Variants in CARS2 observed in about 807,000 individuals in gnomAD.
The protein encoded by CARS2 is probable cysteine--tRNA ligase, mitochondrial.
In CARS2, 52 loss-of-function variants were observed where a neutral mutation model predicts 68.8. That is an observed-to-expected ratio of 0.76 (90% CI 0.61 to 0.95). The LOEUF (loss-of-function observed/expected upper bound fraction) is 0.95. Among genes scored for constraint, CARS2 ranks in the 40% least tolerant of loss-of-function variants. CARS2 has a pLI of 0.00. For missense variants in CARS2, 780 were observed against 754.2 expected (o/e 1.03, Z -0.40); for synonymous variants, 314 against 303.6 (o/e 1.03, Z -0.36).
At chr13:110,678,601 T>C (rs1485823631) in intron 6 of CARS2, among the ~76,000 whole-genome samples, 2 of 152,148 alleles carry the variant, frequency 1.3e-5, no homozygotes, top group Non-Finnish European at 2.9e-5. Context: ...TCCTACATAG[T>C]GCATGGCAAA....
At chr13:110,710,338 C>T (rs1206033813), upstream of CARS2, among the ~76,000 whole-genome samples, 5 of 152,070 alleles carry the variant, frequency 3.3e-5, no homozygotes, top group South Asian at 2.1e-4. Context: ...GCTGAGATCA[C>T]GCCACTGCAC....
chr13:110,662,321 G>A (rs544224), intron 9 of CARS2, among the ~76,000 whole-genome samples: 1 of 146,484 alleles, frequency 6.8e-6, no homozygotes, highest in African/African-American at 2.6e-5. Flanking sequence ...GGCCGGCTTC[G>A]GACCCCCTTC....
At chr13:110,669,542 T>C (rs1295426051) in intron 7 of CARS2, among the ~76,000 whole-genome samples, 1 of 152,232 alleles carries the variant, frequency 6.6e-6, no homozygotes, top group African/African-American at 2.4e-5. Flanking sequence ...CTATCAAGTA[T>C]ACTAAAATCC....
At chr13:110,650,064 G>C (rs1374137069) in intron 10 of CARS2, among the ~76,000 whole-genome samples, 2 of 150,510 alleles carry the variant, frequency 1.3e-5, no homozygotes, top group Non-Finnish European at 3.0e-5. Flanking sequence ...AGCCTCCTGA[G>C]TAGCTGAGAT....
chr13:110,691,609 T>A (rs561222002), intron 3 of CARS2, among the ~76,000 whole-genome samples: 1 of 152,200 alleles, frequency 6.6e-6, no homozygotes, highest in African/African-American at 2.4e-5. Flanking sequence ...CTGGCTTATG[T>A]TTTTCTCCAG....
intron 9 of CARS2, among the ~76,000 whole-genome samples, chr13:110,656,435 G>A (rs2062368773): frequency 6.6e-6 from 1 of 152,202 alleles, no homozygotes; most frequent in East Asian, 1.9e-4. Context: ...AGACCACAGA[G>A]CTTTAGTGGG....
intron 13 of CARS2, chr13:110,643,206 G>A (rs765328291): frequency 5.6e-4 from 99 of 178,292 alleles, no homozygotes; most frequent in Admixed American, 1.1e-3. Flanking sequence ...TGGGCCTTGC[G>A]GCCAGAGGAA....
intron 8 of CARS2, 56 bp downstream of exon 8, chr13:110,667,284 A>G (rs528209615): frequency 6.6e-7 from 1 of 1,510,158 alleles, no homozygotes; most frequent in African/African-American, 1.4e-5. Context: ...TTCCGCCGAC[A>G]AAGACAGAAC....
chr13:110,692,003 A>AATATAT (rs71127965), intron 3 of CARS2, among the ~76,000 whole-genome samples: 22 of 91,572 alleles, frequency 2.4e-4, no homozygotes, highest in African/African-American at 3.7e-4. Flanking sequence ...AAAAAAAAAA[A>AATATAT]ATATATATAT....
chr13:110,642,229 G>C (rs2139666308), intron 14 of CARS2, 86 bp downstream of exon 14: 1 of 1,036,672 alleles, frequency 9.6e-7, no homozygotes, highest in South Asian at 1.4e-5. Context: ...ATGGTCACGG[G>C]GGATGTCTGG....
intron 8 of CARS2, chr13:110,664,054 T>C (rs1429148966): frequency 1.0e-6 from 1 of 985,358 alleles, no homozygotes; most frequent in Non-Finnish European, 1.2e-6. Flanking sequence ...CCCCTATGTA[T>C]GTGAAAGACA....
rs1318874753 is a variant in CARS2 at position 110,688,038 on chromosome 13, G to T, written c.394-20C>A. On this transcript the variant is annotated intron_variant, in intron 3 of 14. Coordinates refer to ENST00000257347, the MANE Select transcript of CARS2 (RefSeq NM_024537.4). ...ATTCATCTGCAGAAGGATTAGATGT[G>T]CACGTTAATGAGTCTGGGGCATTCG... 1 of 1,561,538 alleles carries T rather than the reference G, an allele frequency of 6.4e-7. No homozygotes were observed. The highest frequency in any genetic ancestry group is 2.2e-5 in the East Asian group (1 of 44,552).
Position 110,665,588 on chromosome 13 carries a change from C to T in CARS2, c.919+1752G>A, listed in dbSNP as rs1343307540. On this transcript the variant is annotated intron_variant, in intron 8 of 14. Coordinates refer to ENST00000257347, the MANE Select transcript of CARS2 (RefSeq NM_024537.4). This position sits in a 1 kb window ranked among gnomAD's most constrained non-coding sequence, Gnocchi z 4.3. ...CCTTCTTGCCCCCCAGCTCCACACTCGCAGAAGGGCTCACAGCAGGTCATG... is the reference window on the plus strand; with the variant it reads ...CCTTCTTGCCCCCCAGCTCCACACTTGCAGAAGGGCTCACAGCAGGTCATG... 2.2e-5 allele frequency: 22 copies of T among 985,454 alleles called. No homozygotes were observed. The highest frequency in any genetic ancestry group is 6.1e-5 in the Admixed American group (1 of 16,288). 61.0% of individuals were successfully genotyped at this position (985,454 alleles called of 1,614,324 possible).
intron 9 of CARS2, among the ~76,000 whole-genome samples, chr13:110,660,763 C>CTT (rs201474441): frequency 0.54 from 71,566 of 132,140 alleles, 20,638 homozygotes; most frequent in Non-Finnish European, 0.65. Context: ...TAGCATAATT[C>CTT]TTTTTTTTTT....
intron 8 of CARS2, chr13:110,664,593 A>G (rs1176445443): frequency 1.0e-6 from 1 of 969,110 alleles, no homozygotes; most frequent in Non-Finnish European, 1.2e-6. Flanking sequence ...AACTTTGAAC[A>G]TGTAATTCTA....
intron 10 of CARS2, among the ~76,000 whole-genome samples, chr13:110,649,548 C>T (rs2062144740): frequency 1.3e-5 from 2 of 152,230 alleles, no homozygotes; most frequent in South Asian, 4.1e-4. Flanking sequence ...GATAGATTCA[C>T]CCCATGGGGG....
intron 8 of CARS2, chr13:110,664,652 T>C: frequency 1.0e-6 from 1 of 982,588 alleles, no homozygotes; most frequent in Non-Finnish European, 1.2e-6. Context: ...AAATTGATGA[T>C]AGTTGGAAAA....
chr13:110,651,848 C>T (rs1162183322), intron 9 of CARS2, among the ~76,000 whole-genome samples: 2 of 152,228 alleles, frequency 1.3e-5, no homozygotes, highest in African/African-American at 4.8e-5. Context: ...GCTCAGGGTT[C>T]AGCTCTGGCA....
At chr13:110,711,331 G>C (rs910608910), upstream of CARS2, among the ~76,000 whole-genome samples, 7 of 152,112 alleles carry the variant, frequency 4.6e-5, no homozygotes, top group African/African-American at 1.7e-4. Context: ...TTCTGTCTCA[G>C]CCTCCCCAAT....
Sources: allele counts gnomAD v4.1 joint callset (sites outside exome capture counted in the v4.1 genomes callset), GRCh38; gene constraint gnomAD v4.1.1; non-coding constraint Gnocchi (gnomAD v3.1); transcripts MANE v1.5; gene names NCBI Gene and HGNC (gene_info 2026-07-23, HGNC 2026-07-21).